The following RBFOX3 variants were observed in gnomAD, a reference collection of about 807,000 sequenced individuals.
The protein encoded by RBFOX3 is RNA binding fox-1 homolog 3, also known as RNA binding protein fox-1 homolog 3.
RBFOX3 carries 17 observed loss-of-function variants against 48.7 expected under a neutral mutation model. The ratio of observed to expected loss-of-function variants is 0.35; its 90% CI spans 0.24 to 0.52. The LOEUF (loss-of-function observed/expected upper bound fraction) is 0.52, where lower values mean the gene tolerates loss of function less well. RBFOX3 is among the 20% of genes least tolerant of loss of function. The pLI is 0.94. For synonymous variants in RBFOX3, 212 were observed against 209.5 expected (o/e 1.01, Z -0.10); for missense variants, 382 against 497.5 (o/e 0.77, Z 2.21).
At chr17:79,597,551 G>A (rs970769544) in intron 1 of RBFOX3, among the ~76,000 whole-genome samples, 1 of 152,238 alleles carries the variant, frequency 6.6e-6, no homozygotes, top group Non-Finnish European at 1.5e-5. Context: ...GGATGCCCTA[G>A]TGAGGTGGGA....
intron 1 of RBFOX3, among the ~76,000 whole-genome samples, chr17:79,577,135 A>G (rs1340192696): frequency 1.3e-5 from 2 of 152,170 alleles, no homozygotes; most frequent in Admixed American, 1.3e-4. Flanking sequence ...AAACCCCAAG[A>G]AGTGATCTTG....
chr17:79,387,433 G>C (rs1384874417), intron 2 of RBFOX3, among the ~76,000 whole-genome samples: 1 of 152,192 alleles, frequency 6.6e-6, no homozygotes, highest in African/African-American at 2.4e-5. Flanking sequence ...ACAAGTCCCA[G>C]GTCTTTTAAA....
In RBFOX3 at chr17:79,249,164, C is replaced by T. The variant is rs1347553985; in HGVS notation, c.-73-13359G>A. Among the ~76,000 whole-genome samples, 11 of 152,322 alleles carry T rather than the reference C, an allele frequency of 7.2e-5. No individual in the cohort carries two copies. The highest frequency in any genetic ancestry group is 2.1e-4 in the South Asian group (1 of 4,834). ...CCCTGCAAAACCATCTCTGGAACCACCCTGAAGCTAGGGACTCGGCTCAGG... is the reference window on the plus strand; with the variant it reads ...CCCTGCAAAACCATCTCTGGAACCATCCTGAAGCTAGGGACTCGGCTCAGG... On this transcript the variant is annotated intron_variant, in intron 3 of 14. Transcript: ENST00000693108. The surrounding 1 kb of genome is among the most constrained non-coding windows in gnomAD (Gnocchi z 4.1).
Position 79,159,475 on chromosome 17 carries a change from A to T in RBFOX3, c.-33-43727T>A, listed in dbSNP as rs1599732635. On this transcript the variant is annotated intron_variant, in intron 4 of 14. Coordinates refer to ENST00000693108, the MANE Select transcript of RBFOX3 (RefSeq NM_001350451.2). Reference sequence around the variant, plus strand: ...AGTCTGGGCACACAGAGAGGGCTGGACTCCACACGCATCTGTGGCAGGCTC... The same window carrying T: ...AGTCTGGGCACACAGAGAGGGCTGGTCTCCACACGCATCTGTGGCAGGCTC... 2.6e-5 allele frequency among the ~76,000 whole-genome samples: 4 copies of T among 151,826 alleles called. No homozygotes were observed. In the South Asian group the frequency reaches 8.3e-4, roughly 32 times the overall value.
chr17:79,165,093 G>A (rs2047728526), intron 4 of RBFOX3, among the ~76,000 whole-genome samples: 1 of 152,190 alleles, frequency 6.6e-6, no homozygotes, highest in South Asian at 2.1e-4. Flanking sequence ...GGGTGGGAGG[G>A]GGAGGCATGG....
intron 4 of RBFOX3, among the ~76,000 whole-genome samples, chr17:79,230,651 G>A (rs1248200992): frequency 6.6e-6 from 1 of 152,190 alleles, no homozygotes; most frequent in Non-Finnish European, 1.5e-5. Flanking sequence ...GGCTCCTGCA[G>A]AGCCCTCATC....
At chr17:79,118,682 T>A (rs953037421) in intron 4 of RBFOX3, among the ~76,000 whole-genome samples, 15 of 151,444 alleles carry the variant, frequency 9.9e-5, no homozygotes, top group African/African-American at 3.6e-4. Context: ...TGAGAAAGAG[T>A]GGGCTCCTGG....
intron 1 of RBFOX3, among the ~76,000 whole-genome samples, chr17:79,551,390 G>A (rs1015252324): frequency 1.2e-4 from 19 of 152,026 alleles, no homozygotes; most frequent in Non-Finnish European, 1.9e-4. Flanking sequence ...TGTTGGAGGT[G>A]GGGCCTGGTG....
chr17:79,356,754 C>T (rs564813849), intron 2 of RBFOX3, among the ~76,000 whole-genome samples: 1 of 152,050 alleles, frequency 6.6e-6, no homozygotes, highest in African/African-American at 2.4e-5. Context: ...AATTTCTTTC[C>T]TAAAATATGT....
chr17:79,370,443 CTG>C (rs1041695154), intron 2 of RBFOX3, among the ~76,000 whole-genome samples: 146 of 152,252 alleles, frequency 9.6e-4, no homozygotes, highest in African/African-American at 3.2e-3. Context: ...TGCACACACC[CTG>C]ATGTGCACAG....
At chr17:79,356,367 T>TTTTTTTTTTTTTTTTTG (rs2085072145) in intron 2 of RBFOX3, among the ~76,000 whole-genome samples, 2 of 76,998 alleles carry the variant, frequency 2.6e-5, no homozygotes, top group South Asian at 5.6e-4. Flanking sequence ...TTTTTTTTTT[T>TTTTTTTTTTTTTTTTTG]TTTTTTTTTT....
chr17:79,380,919 G>C (rs1421602199), intron 2 of RBFOX3, among the ~76,000 whole-genome samples: 2 of 152,190 alleles, frequency 1.3e-5, no homozygotes, highest in African/African-American at 4.8e-5. Context: ...CCGTGGAAAT[G>C]CAAGGGAGCC....
the RBFOX3 span, among the ~76,000 whole-genome samples, chr17:79,625,328 T>C: frequency 5.3e-5 from 8 of 152,224 alleles, no homozygotes; most frequent in African/African-American, 1.9e-4. Flanking sequence ...GCCATGCCCT[T>C]GCCTGCACCA....
intron 1 of RBFOX3, among the ~76,000 whole-genome samples, chr17:79,542,039 C>A (rs1364106099): frequency 6.9e-6 from 1 of 145,836 alleles, no homozygotes; most frequent in African/African-American, 2.5e-5. Context: ...GAGCGTCGAC[C>A]TTTTTTTTTT....
chr17:79,657,489 G>A, the RBFOX3 span, among the ~76,000 whole-genome samples: 1 of 152,190 alleles, frequency 6.6e-6, no homozygotes, highest in Non-Finnish European at 1.5e-5. Context: ...GGCCAGCCTG[G>A]CCAACATGGT....
the RBFOX3 span, among the ~76,000 whole-genome samples, chr17:79,629,376 T>G: frequency 6.6e-6 from 1 of 152,092 alleles, no homozygotes; most frequent in African/African-American, 2.4e-5. Context: ...GACTGAGAAA[T>G]GACTCCAAAG....
chr17:79,149,446 T>C (rs538411610), intron 4 of RBFOX3, among the ~76,000 whole-genome samples: 2 of 152,150 alleles, frequency 1.3e-5, no homozygotes, highest in South Asian at 4.2e-4. Context: ...GGCATTGCTG[T>C]CCTGGGGGAG....
intron 2 of RBFOX3, among the ~76,000 whole-genome samples, chr17:79,435,405 G>C (rs2069218477): frequency 6.6e-6 from 1 of 152,240 alleles, no homozygotes; most frequent in African/African-American, 2.4e-5. Context: ...CAGGCTGCCA[G>C]AGCTGATTCC....
intron 2 of RBFOX3, among the ~76,000 whole-genome samples, chr17:79,359,666 G>T (rs889401323): frequency 3.9e-5 from 6 of 152,056 alleles, no homozygotes; most frequent in Non-Finnish European, 8.8e-5. Flanking sequence ...AGGGAGGGCT[G>T]GCTCTGCAGG....
Sources: gnomAD v4.1 joint callset for allele counts (sites outside exome capture counted in the v4.1 genomes callset) on GRCh38, gnomAD v4.1.1 for gene constraint, Gnocchi (gnomAD v3.1) non-coding constraint, MANE v1.5 for transcripts, NCBI Gene and HGNC (gene_info 2026-07-23, HGNC 2026-07-21) for gene names.